Variants in B3GALT1 observed in about 807,000 individuals in gnomAD.
B3GALT1 encodes the protein beta-1,3-galactosyltransferase 1.
A neutral mutation model predicts 23.2 loss-of-function variants in B3GALT1; 10 were observed. The observed-to-expected ratio is 0.43, with a 90% CI of 0.27 to 0.73. The LOEUF is 0.73. Ranked by LOEUF, B3GALT1 falls within the 30% of genes least tolerant of loss-of-function variation. B3GALT1 has a pLI of 0.21. For synonymous variants in B3GALT1, 156 were observed against 141.5 expected, an observed-to-expected ratio of 1.10 and a Z score of -0.73; for missense variants, 299 against 405.4, an observed-to-expected ratio of 0.74 and a Z score of 2.25.
intron 1 of B3GALT1, among the ~76,000 whole-genome samples, chr2:167,436,482 C>A (rs1341994240): frequency 6.6e-6 from 1 of 152,146 alleles, no homozygotes; most frequent in African/African-American, 2.4e-5. Flanking sequence ...CATCCCCTTA[C>A]CCTGATTGAA....
At chr2:167,364,390 CA>C (rs1697553952) in intron 1 of B3GALT1, among the ~76,000 whole-genome samples, 3 of 151,112 alleles carry the variant, frequency 2.0e-5, no homozygotes, top group Non-Finnish European at 4.4e-5. Context: ...TACATGTGCA[CA>C]ACGTGCAGGT....
chr2:167,409,141 C>T (rs965671767), intron 1 of B3GALT1, among the ~76,000 whole-genome samples: 47 of 152,262 alleles, frequency 3.1e-4, no homozygotes, highest in Non-Finnish European at 4.3e-4. Context: ...TAAAACTGCT[C>T]TTTGTAGGTA....
chr2:167,632,376 T>A (rs1685464912), intron 2 of B3GALT1, among the ~76,000 whole-genome samples: 1 of 152,146 alleles, frequency 6.6e-6, no homozygotes, highest in South Asian at 2.1e-4. Context: ...CCACACTGTC[T>A]TCCACAATGG....
At chr2:167,609,572 A>G (rs890692727) in intron 2 of B3GALT1, among the ~76,000 whole-genome samples, 1 of 152,118 alleles carries the variant, frequency 6.6e-6, no homozygotes, top group African/African-American at 2.4e-5. Context: ...GTTGTTACAT[A>G]CTACATTGTT....
In B3GALT1 at chr2:167,804,618, G is replaced by A. The variant is rs530069963; in HGVS notation, c.-351-14054G>A. Among the ~76,000 whole-genome samples, 12 of 152,090 alleles carry A rather than the reference G, an allele frequency of 7.9e-5. No individual in the cohort carries two copies. The South Asian group carries it at 2.5e-3, about 32-fold the overall frequency. On this transcript the variant is annotated intron_variant, in intron 3 of 4. Transcript: ENST00000392690. ...TTGAGATAGTTTGCTGAGAATGATG[G>A]TTTCCAGCTTCATCCATGTCCCTAC...
In B3GALT1 at chr2:167,870,068, G is replaced by A; in HGVS notation, c.*48G>A. On this transcript the variant is annotated 3_prime_UTR_variant, in exon 5 of 5. Coordinates refer to ENST00000392690, the MANE Select transcript of B3GALT1 (RefSeq NM_020981.4). ...TTTCTTTTCTTTTTTTAAGAAATGG[G>A]ACCTAAGGTGTTGGTATTTTCCAGG... is the stretch of plus-strand genomic sequence containing the variant. 6.6e-7 allele frequency: 1 copy of A among 1,504,574 alleles called. No individual in the cohort carries two copies. Among genetic ancestry groups the A allele is most frequent in the Non-Finnish European group, 8.9e-7 (1 of 1,120,632 alleles). 93.2% of individuals were successfully genotyped at this position (1,504,574 alleles called of 1,614,324 possible).
intron 3 of B3GALT1, among the ~76,000 whole-genome samples, chr2:167,778,230 TCA>T (rs1175198696): frequency 6.6e-6 from 1 of 152,138 alleles, no homozygotes; most frequent in Admixed American, 6.5e-5. Context: ...AATTGGTTAA[TCA>T]CTTTCTTCAC....
chr2:167,784,076 T>C (rs1352097368), intron 3 of B3GALT1, among the ~76,000 whole-genome samples: 1 of 152,214 alleles, frequency 6.6e-6, no homozygotes, highest in Non-Finnish European at 1.5e-5. Flanking sequence ...ATCTAGACTT[T>C]TATTTTTTTC....
chr2:167,518,857 CT>C (rs1223457069), intron 2 of B3GALT1, among the ~76,000 whole-genome samples: 4 of 152,078 alleles, frequency 2.6e-5, no homozygotes, highest in Non-Finnish European at 5.9e-5. Flanking sequence ...CAACGTTCTA[CT>C]GATGGAAGCA....
chr2:167,786,487 A>G (rs1688346990), intron 3 of B3GALT1, among the ~76,000 whole-genome samples: 1 of 152,180 alleles, frequency 6.6e-6, no homozygotes, highest in Non-Finnish European at 1.5e-5. Flanking sequence ...CTGACAGAAA[A>G]TTCTACTTCT....
chr2:167,610,232 A>C (rs1685036361), intron 2 of B3GALT1, among the ~76,000 whole-genome samples: 1 of 152,116 alleles, frequency 6.6e-6, no homozygotes, highest in African/African-American at 2.4e-5. Flanking sequence ...TTAACTACGT[A>C]AATGTTGACA....
At chr2:167,862,937 C>T (rs900988371) in intron 4 of B3GALT1, 1 of 152,106 alleles carries the variant, frequency 6.6e-6, no homozygotes, top group Admixed American at 6.5e-5. Flanking sequence ...AAAAGTCTTT[C>T]GAGTGTTCCA....
At chr2:167,569,054 G>A (rs935127513) in intron 2 of B3GALT1, among the ~76,000 whole-genome samples, 2 of 151,570 alleles carry the variant, frequency 1.3e-5, no homozygotes, top group Non-Finnish European at 3.0e-5. Context: ...GCTTTTTCTG[G>A]GTTCTTTATT....
At chr2:167,505,306 A>T (rs910461323) in intron 2 of B3GALT1, among the ~76,000 whole-genome samples, 1 of 152,210 alleles carries the variant, frequency 6.6e-6, no homozygotes, top group African/African-American at 2.4e-5. Context: ...ATCTTTAAAA[A>T]TTTTTAAATA....
chr2:167,685,136 G>C (rs1273197040), intron 3 of B3GALT1, among the ~76,000 whole-genome samples: 1 of 152,226 alleles, frequency 6.6e-6, no homozygotes, highest in Non-Finnish European at 1.5e-5. Flanking sequence ...AATGTTCTTA[G>C]ACAAATTCAG....
At chr2:167,373,162 T>G (rs1457659432) in intron 1 of B3GALT1, among the ~76,000 whole-genome samples, 1 of 152,026 alleles carries the variant, frequency 6.6e-6, no homozygotes, top group African/African-American at 2.4e-5. Flanking sequence ...AGCAATTGGA[T>G]AAGTTTATGA....
intron 4 of B3GALT1, among the ~76,000 whole-genome samples, chr2:167,832,127 G>C (rs1232954497): frequency 6.6e-6 from 1 of 152,182 alleles, no homozygotes; most frequent in Non-Finnish European, 1.5e-5. Flanking sequence ...GCTGACACTA[G>C]TTTGAATCCT....
intron 2 of B3GALT1, among the ~76,000 whole-genome samples, chr2:167,544,875 C>A (rs1043056960): frequency 6.6e-6 from 1 of 151,984 alleles, no homozygotes; most frequent in African/African-American, 2.4e-5. Flanking sequence ...TGGACCGCAG[C>A]GGCGAGTGTT....
chr2:167,422,033 T>G (rs1325494596), intron 1 of B3GALT1, among the ~76,000 whole-genome samples: 1 of 149,436 alleles, frequency 6.7e-6, no homozygotes, highest in Non-Finnish European at 1.5e-5. Flanking sequence ...TAGGAGGTAA[T>G]TAGCTTATGA....
Sources: allele counts gnomAD v4.1 joint callset (sites outside exome capture counted in the v4.1 genomes callset), GRCh38; gene constraint gnomAD v4.1.1; transcripts MANE v1.5; gene names NCBI Gene and HGNC (gene_info 2026-07-23, HGNC 2026-07-21).